The following ZBED4 variants were observed in gnomAD, a reference collection of about 807,000 sequenced individuals.
The protein encoded by ZBED4 is zinc finger BED domain-containing protein 4.
ZBED4 carries 4 observed loss-of-function variants against 15.5 expected under a neutral mutation model. That is an observed-to-expected ratio of 0.26 (90% CI 0.13 to 0.59). The LOEUF (loss-of-function observed/expected upper bound fraction) is 0.59, where lower values mean the gene tolerates loss of function less well. Among genes scored for constraint, ZBED4 ranks in the 20% least tolerant of loss-of-function variants. The pLI, the probability that ZBED4 is intolerant of heterozygous loss-of-function variation, is 0.90. For synonymous variants in ZBED4, 692 were observed against 608.5 expected (o/e 1.14, Z -2.02); for missense variants, 1,323 against 1,461.8 (o/e 0.91, Z 1.55).
chr22:49,886,305 G>A lies in ZBED4; in HGVS notation c.2643G>A (p.Gln881=), dbSNP rs547283179. 3 of 1,553,476 alleles carry A rather than the reference G, an allele frequency of 1.9e-6. No individual in the cohort carries two copies. The highest frequency in any genetic ancestry group is 2.3e-5 in the East Asian group (1 of 44,296). ...AELQREYALP[Q]HHLIQDVPSK... is the part of the protein sequence containing the mutation. ...TGCAGAGGGAGTACGCGCTGCCTCAGCATCACCTCATCCAGGACGTCCCGT... is the reference window on the plus strand; with the variant it reads ...TGCAGAGGGAGTACGCGCTGCCTCAACATCACCTCATCCAGGACGTCCCGT... Residue 881 remains glutamine (Q), a synonymous_variant, in exon 2 of 2, where the codon CAG becomes CAA. Coordinates refer to ENST00000216268, the MANE Select transcript of ZBED4 (RefSeq NM_014838.3). This position sits in a 1 kb window ranked among gnomAD's most constrained non-coding sequence, Gnocchi z 7.7.
intron 1 of ZBED4, among the ~76,000 whole-genome samples, chr22:49,859,998 C>A (rs1471446885): frequency 1.5e-5 from 2 of 132,832 alleles, no homozygotes; most frequent in Non-Finnish European, 3.2e-5. Flanking sequence ...CCCATCTTTA[C>A]AAAAACATAC....
intron 1 of ZBED4, among the ~76,000 whole-genome samples, chr22:49,882,184 C>T (rs1201486528): frequency 6.6e-6 from 1 of 152,248 alleles, no homozygotes; most frequent in African/African-American, 2.4e-5. Flanking sequence ...TGGCGCACCT[C>T]TCCTGCCCAT....
chr22:49,865,515 C>G (rs1306539554), intron 1 of ZBED4, among the ~76,000 whole-genome samples: 1 of 151,798 alleles, frequency 6.6e-6, no homozygotes, highest in Non-Finnish European at 1.5e-5. Flanking sequence ...AATAATAACC[C>G]GTCTCTATTA....
rs569653724 is a variant in ZBED4 at position 49,886,341 on chromosome 22, C to T, written c.2679C>T (p.Ser893=). ...HLIQDVPSKW[S]TSFHMLERLI... ...TCCAGGACGTCCCGTCCAAGTGGAG[C>T]ACTTCCTTCCACATGCTCGAGCGGC... Residue 893 remains serine, a synonymous_variant, in exon 2 of 2, where the codon AGC becomes AGT. Coordinates refer to ENST00000216268, the MANE Select transcript of ZBED4 (RefSeq NM_014838.3). The surrounding 1 kb of genome is among the most constrained non-coding windows in gnomAD (Gnocchi z 7.7). 1 of 1,604,090 alleles carries T rather than the reference C, an allele frequency of 6.2e-7. No homozygotes were observed. The highest frequency in any genetic ancestry group is 1.3e-5 in the African/African-American group (1 of 74,876).
rs1569166029 is a variant in ZBED4 at position 49,886,420 on chromosome 22, G to C, written c.2758G>C (p.Glu920Gln). ...NEMSVECNFR[E>Q]LISCDQWEVM... is the part of the protein sequence containing the mutation. Reference sequence around the variant, plus strand: ...GATGTCCGTCGAGTGTAACTTCCGAGAGCTGATCAGCTGCGACCAGTGGGA... The same window carrying C: ...GATGTCCGTCGAGTGTAACTTCCGACAGCTGATCAGCTGCGACCAGTGGGA... The change falls in exon 2 of 2, where the codon GAG becomes CAG. Residue 920 changes from glutamate to glutamine, a missense_variant. Physicochemically the swap from Glu to Gln is conservative, Grantham distance 29. Transcript: ENST00000216268. This position sits in a 1 kb window ranked among gnomAD's most constrained non-coding sequence, Gnocchi z 7.7. The C allele has an allele frequency of 6.9e-6, 11 of 1,597,562 alleles. No homozygotes were observed. The highest frequency in any genetic ancestry group is 9.4e-6 in the Non-Finnish European group (11 of 1,169,208).
In ZBED4 at chr22:49,883,623, T is replaced by G; in HGVS notation, c.-40T>G. 2.0e-6 allele frequency: 3 copies of G among 1,488,402 alleles called. No individual in the cohort carries two copies. In the South Asian group the frequency reaches 4.4e-5, roughly 22 times the overall value. The allele number at this position is 1,488,402 out of a possible 1,614,324, so 92.2% of individuals were successfully genotyped here. A position where few individuals can be genotyped will look rare whatever the true frequency, so the allele number is the denominator to read the frequency against. On this transcript the variant is annotated 5_prime_UTR_variant, in exon 2 of 2. Transcript: ENST00000216268. ...ACAAATGAGCACTTGGATCAGTGTTTTATGAACCTAAGATACAGCCGGAGT... is the reference window on the plus strand; with the variant it reads ...ACAAATGAGCACTTGGATCAGTGTTGTATGAACCTAAGATACAGCCGGAGT...
In ZBED4 at chr22:49,885,054, C is replaced by A; in HGVS notation, c.1392C>A (p.His464Gln). ...GACTGAAGTCGGAGGTCTGGCATCA[C>A]TTCTCCCTGGCCCCCATGGACAGCC... is the stretch of plus-strand genomic sequence containing the variant. ...MKRLKSEVWH[H>Q]FSLAPMDSLK... Residue 464 changes from histidine to glutamine, a missense_variant, in exon 2 of 2, where the codon CAC (histidine) becomes CAA (glutamine). His to Gln is a conservative substitution (Grantham distance 24). Around this residue, in one of 6 missense-constraint regions of ZBED4, gnomAD observed 429 missense variants for 397.9 expected, o/e 1.08. Transcript: ENST00000216268. 2.5e-6 allele frequency: 4 copies of A among 1,612,088 alleles called. No individual in the cohort carries two copies. The highest frequency in any genetic ancestry group is 3.4e-6 in the Non-Finnish European group (4 of 1,179,090).
intron 1 of ZBED4, among the ~76,000 whole-genome samples, chr22:49,880,296 C>T (rs2060402130): frequency 6.6e-6 from 1 of 152,218 alleles, no homozygotes; most frequent in South Asian, 2.1e-4. Context: ...CAGTTCTTTT[C>T]CCCTTTGGTT....
intron 1 of ZBED4, among the ~76,000 whole-genome samples, chr22:49,860,936 G>A (rs970124281): frequency 7.3e-5 from 11 of 151,246 alleles, no homozygotes; most frequent in South Asian, 2.1e-4. Context: ...CCACCACCAC[G>A]CCCAGCTAAT....
intron 1 of ZBED4, among the ~76,000 whole-genome samples, chr22:49,873,540 A>G (rs2060359119): frequency 6.6e-6 from 1 of 152,266 alleles, no homozygotes; most frequent in African/African-American, 2.4e-5. Flanking sequence ...AAATATTGCC[A>G]GAATTACCAA....
chr22:49,861,651 G>C (rs962455771), intron 1 of ZBED4, among the ~76,000 whole-genome samples: 25 of 152,150 alleles, frequency 1.6e-4, no homozygotes, highest in African/African-American at 5.6e-4. Flanking sequence ...TACCCAGGCT[G>C]GTCTTGAACT....
chr22:49,871,577 A>G (rs2060347866), intron 1 of ZBED4, among the ~76,000 whole-genome samples: 1 of 152,086 alleles, frequency 6.6e-6, no homozygotes, highest in Non-Finnish European at 1.5e-5. Context: ...TTGATTTTTA[A>G]AAAGCTTGTT....
At chr22:49,855,650 G>C (rs2060272250) in intron 1 of ZBED4, among the ~76,000 whole-genome samples, 1 of 152,188 alleles carries the variant, frequency 6.6e-6, no homozygotes, top group African/African-American at 2.4e-5. Context: ...GCGGCATGAG[G>C]AGCAGGAAGT....
In ZBED4 at chr22:49,884,872, G is replaced by A; in HGVS notation, c.1210G>A (p.Gly404Arg). ...TEDLQSHLNPGDGLMEDVAAF... is the reference protein window; with the variant it reads ...TEDLQSHLNPRDGLMEDVAAF... ...GGACTTGCAGTCTCACTTGAACCCT[G>A]GAGATGGGCTGATGGAAGACGTGGC... The change falls in exon 2 of 2, where the codon GGA becomes AGA. Residue 404 changes from glycine (G) to arginine (R), a missense_variant. This residue lies in a region of ZBED4 where 429 missense variants were observed against 397.9 expected (regional missense o/e 1.08). Coordinates refer to ENST00000216268, the MANE Select transcript of ZBED4 (RefSeq NM_014838.3). The A allele has an allele frequency of 2.5e-6, 4 of 1,606,788 alleles. No homozygotes were observed. In the South Asian group the frequency reaches 3.3e-5, roughly 13 times the overall value.
chr22:49,874,065 A>G (rs1462177117), intron 1 of ZBED4, among the ~76,000 whole-genome samples: 2 of 152,224 alleles, frequency 1.3e-5, no homozygotes, highest in Admixed American at 6.5e-5. Context: ...TAGAGGCCTT[A>G]CAACCTTTAT....
At position 49,858,023 on chromosome 22, in the gene ZBED4, A is replaced by ACCC. The variant is rs2060281739; in HGVS notation, c.-330+4034_-330+4035insCCC. ...GTGATCCGTCCACCTTGGCCTCCCA[A>ACCC]AGTGCCAGGACAGGACTACAGGCGT... On this transcript the variant is annotated intron_variant, in intron 1 of 1. Transcript: ENST00000216268. Among the ~76,000 whole-genome samples the ACCC allele has an allele frequency of 2.0e-5, 3 of 151,842 alleles. No individual in the cohort carries two copies. In the South Asian group the frequency reaches 6.2e-4, roughly 32 times the overall value.
At chr22:49,856,464 G>C (rs2060274732) in intron 1 of ZBED4, among the ~76,000 whole-genome samples, 1 of 152,230 alleles carries the variant, frequency 6.6e-6, no homozygotes, top group Non-Finnish European at 1.5e-5. Context: ...TGGGGGCGAT[G>C]GCGGAAGCCC....
intron 1 of ZBED4, among the ~76,000 whole-genome samples, chr22:49,875,341 C>T (rs1376814202): frequency 2.0e-5 from 3 of 151,656 alleles, no homozygotes; most frequent in African/African-American, 7.3e-5. Flanking sequence ...AAAGGCTAAT[C>T]AGCTTATTCT....
Position 49,861,820 on chromosome 22 carries a change from C to T in ZBED4, c.-330+7831C>T, listed in dbSNP as rs186360180. 2.0e-3 allele frequency among the ~76,000 whole-genome samples: 303 copies of T among 152,298 alleles called. 3 individuals carry two copies. The highest frequency in any genetic ancestry group is 6.9e-3 in the African/African-American group (287 of 41,572). The stretch of plus-strand genomic sequence containing the variant: ...GCTCTGATCCTTTGCCGTGGGATGC[C>T]GCTGTGACTGACGTTGCCGTGTGTT... On this transcript the variant is annotated intron_variant, in intron 1 of 1. Coordinates refer to ENST00000216268, the MANE Select transcript of ZBED4 (RefSeq NM_014838.3).
Sources: gnomAD v4.1 joint callset for allele counts (sites outside exome capture counted in the v4.1 genomes callset) on GRCh38, gnomAD v4.1.1 for gene constraint, gnomAD v4.1.1 regional missense constraint, Gnocchi (gnomAD v3.1) non-coding constraint, MANE v1.5 for transcripts, NCBI Gene and HGNC (gene_info 2026-07-23, HGNC 2026-07-21) for gene names.